The following LRIG1 variants were observed in gnomAD, a reference collection of about 807,000 sequenced individuals.
LRIG1 encodes leucine-rich repeats and immunoglobulin-like domains protein 1.
LRIG1 carries 48 observed loss-of-function variants against 99.2 expected under a neutral mutation model. That is an observed-to-expected ratio of 0.48 (90% CI 0.38 to 0.62). LRIG1 has a LOEUF of 0.62. Ranked by LOEUF, LRIG1 falls within the 20% of genes least tolerant of loss-of-function variation. The probability of loss-of-function intolerance (pLI) is 0.00; values close to 1 mark genes in which losing one functional copy is unlikely to be tolerated. For synonymous variants in LRIG1, 772 were observed against 596.1 expected (o/e 1.29, Z -4.30); for missense variants, 1,646 against 1,434.4 (o/e 1.15, Z -2.38).
At chr3:66,476,046 G>A (rs1575721629) in intron 1 of LRIG1, among the ~76,000 whole-genome samples, 1 of 152,292 alleles carries the variant, frequency 6.6e-6, no homozygotes, top group Middle Eastern at 3.4e-3. Context: ...TGCAGCCTGG[G>A]AATAAAGCGT....
Position 66,382,336 on chromosome 3 carries a change from G to A in LRIG1, c.2554C>T (p.Arg852Ter), listed in dbSNP as rs142523690. 1.7e-5 allele frequency: 27 copies of A among 1,614,020 alleles called. No homozygotes were observed. The highest frequency in any genetic ancestry group is 7.7e-5 in the South Asian group (7 of 91,084). The change falls in exon 16 of 19, where the codon CGA becomes TGA. Residue 852 changes from arginine to a stop codon, truncating the protein, a stop_gained. Transcript: ENST00000273261. LOFTEE classifies it high-confidence loss of function. The stretch of plus-strand genomic sequence containing the variant: ...TCGGTCCTGACCACGGTTTCTTGTC[G>A]GTCAGAAAGGGTCCCCTGAGAAGAG... Reference protein sequence around the residue: ...YLSSQGTLSDRQETVVRTEGG... With the variant: ...YLSSQGTLSD
chr3:66,482,816 A>G (rs867837792), intron 1 of LRIG1, among the ~76,000 whole-genome samples: 3 of 152,252 alleles, frequency 2.0e-5, no homozygotes, highest in Non-Finnish European at 2.9e-5. Context: ...AAAACTGCTT[A>G]AAGTCAGGGA....
chr3:66,424,324 C>G (rs999656682), intron 3 of LRIG1, among the ~76,000 whole-genome samples: 2 of 152,094 alleles, frequency 1.3e-5, no homozygotes, highest in African/African-American at 4.8e-5. Flanking sequence ...CAGAGGTAGC[C>G]TGCTGGTCTA....
intron 2 of LRIG1, among the ~76,000 whole-genome samples, chr3:66,456,477 G>A (rs1458959279): frequency 4.0e-5 from 6 of 151,822 alleles, no homozygotes; most frequent in African/African-American, 9.7e-5. Context: ...GGAGGCTGAG[G>A]TGCGAGGATC....
intron 3 of LRIG1, among the ~76,000 whole-genome samples, chr3:66,434,295 G>A (rs780303742): frequency 5.3e-5 from 8 of 152,076 alleles, no homozygotes; most frequent in African/African-American, 1.9e-4. Flanking sequence ...ATTAGAAAAT[G>A]GGCAAAAGGC....
At chr3:66,465,541 T>A (rs1045085646) in intron 1 of LRIG1, among the ~76,000 whole-genome samples, 5 of 151,750 alleles carry the variant, frequency 3.3e-5, no homozygotes, top group African/African-American at 1.2e-4. Flanking sequence ...TTTTTTTGTA[T>A]TTTTAGTAGA....
chr3:66,464,990 A>G (rs1219952085), intron 1 of LRIG1, among the ~76,000 whole-genome samples: 4 of 152,198 alleles, frequency 2.6e-5, no homozygotes, highest in Non-Finnish European at 5.9e-5. Context: ...AGATGAACAC[A>G]CTTAGAAGTG....
intron 3 of LRIG1, among the ~76,000 whole-genome samples, chr3:66,431,369 T>C (rs1703166229): frequency 1.3e-5 from 2 of 152,176 alleles, no homozygotes; most frequent in Non-Finnish European, 2.9e-5. Context: ...AATGAGGTGA[T>C]GAGAGTGTCC....
At chr3:66,406,836 G>A (rs1702286300) in intron 8 of LRIG1, among the ~76,000 whole-genome samples, 1 of 152,182 alleles carries the variant, frequency 6.6e-6, no homozygotes, top group Non-Finnish European at 1.5e-5. Context: ...TTCCCTAAGT[G>A]CTGCTTTTGG....
At chr3:66,380,984 A>G (rs748467503) in intron 17 of LRIG1, 123 bp from the exon 18 acceptor site, 52 of 937,388 alleles carry the variant, frequency 5.5e-5, no homozygotes, top group Non-Finnish European at 7.5e-5. Flanking sequence ...CACTGTATGC[A>G]TGCTTCCTCT....
Position 66,380,706 on chromosome 3 carries a change from G to C in LRIG1, c.2926C>G (p.Pro976Ala). 1 of 1,614,224 alleles carries C rather than the reference G, an allele frequency of 6.2e-7. No homozygotes were observed. Among genetic ancestry groups the C allele is most frequent in the Non-Finnish European group, 8.5e-7 (1 of 1,180,038 alleles). The change falls in exon 18 of 19, where the codon CCA (proline) becomes GCA (alanine). Residue 976 changes from proline (P) to alanine (A), a missense_variant. Physicochemically the swap from Pro to Ala is conservative, Grantham distance 27 (BLOSUM62 -1). Transcript: ENST00000273261. ...GCAGTCCTGCTGCACTGGTGATGTG[G>C]AGAATGCTCTTGGTCACTCCCACCC... Reference protein sequence around the residue: ...EPGGSDQEHSPHHQCSRTAAG... With the variant: ...EPGGSDQEHSAHHQCSRTAAG...
At chr3:66,421,148 G>C (rs1008081430) in intron 3 of LRIG1, among the ~76,000 whole-genome samples, 7 of 152,160 alleles carry the variant, frequency 4.6e-5, no homozygotes, top group African/African-American at 1.7e-4. Context: ...GTCAATTCAA[G>C]ATGAGATTTG....
chr3:66,472,252 C>T lies in LRIG1; in HGVS notation c.219-9743G>A, dbSNP rs560704040. ...CCGGGAGGCGGAGCGTGCAGTGAGCCGAGATCACACTACTGCACTCCAGCC... is the reference window on the plus strand; with the variant it reads ...CCGGGAGGCGGAGCGTGCAGTGAGCTGAGATCACACTACTGCACTCCAGCC... On this transcript the variant is annotated intron_variant, in intron 1 of 18. Transcript: ENST00000273261. Among the ~76,000 whole-genome samples the T allele has an allele frequency of 3.1e-4, 38 of 123,086 alleles. 1 individual carries two copies. In the South Asian group the frequency reaches 8.4e-3, roughly 27 times the overall value. 80.7% of individuals were successfully genotyped at this position (123,086 alleles called of 152,430 possible).
chr3:66,437,479 G>A (rs1189209983), intron 3 of LRIG1, among the ~76,000 whole-genome samples: 1 of 152,148 alleles, frequency 6.6e-6, no homozygotes, highest in Non-Finnish European at 1.5e-5. Flanking sequence ...AGTAAATCCA[G>A]GCAAGCAAGA....
rs1156477245 is a variant in LRIG1, at chr3:66,407,217, A to G, written c.1079+131T>C. 3 of 932,304 alleles carry G rather than the reference A, an allele frequency of 3.2e-6. No homozygotes were observed. The East Asian group carries it at 7.5e-5, about 23-fold the overall frequency. The allele number at this position is 932,304 out of a possible 1,614,324, so 57.8% of individuals were successfully genotyped here. On this transcript the variant is annotated intron_variant, in intron 8 of 18. Transcript: ENST00000273261. ...CATAAAAGTTTGAGACTCTGCACAT[A>G]GAGCAAGCCAGCTTTGGATCCAATT...
chr3:66,497,504 C>CT (rs2106942145), intron 1 of LRIG1, among the ~76,000 whole-genome samples: 1 of 152,124 alleles, frequency 6.6e-6, no homozygotes, highest in Non-Finnish European at 1.5e-5. Context: ...ACGTAATGGG[C>CT]TGGGAGACTT....
chr3:66,414,356 C>T (rs192351005), intron 5 of LRIG1, among the ~76,000 whole-genome samples: 5 of 151,884 alleles, frequency 3.3e-5, no homozygotes, highest in South Asian at 2.1e-4. Flanking sequence ...GAGATCACAC[C>T]ACTGCACCCC....
chr3:66,437,533 C>A (rs1430835368), intron 3 of LRIG1, among the ~76,000 whole-genome samples: 1 of 152,166 alleles, frequency 6.6e-6, no homozygotes, highest in African/African-American at 2.4e-5. Flanking sequence ...CACCCCTCAG[C>A]AGGCCACTTC....
rs750535370 is a variant in LRIG1 at position 66,380,367 on chromosome 3, C to G, written c.3178G>C (p.Gly1060Arg). Residue 1060 changes from glycine to arginine, a missense_variant, in exon 19 of 19, where the codon GGC (glycine) becomes CGC (arginine). Coordinates refer to ENST00000273261, the MANE Select transcript of LRIG1 (RefSeq NM_015541.3). ...GCGTCACATGCTTTGGGGAGGTGGC[C>G]ATTGGAAACAAGCAAGTACTGGGCT... ...AEAQYLLVSNGHLPKACDASP... is the reference protein window; with the variant it reads ...AEAQYLLVSNRHLPKACDASP... 1.9e-5 allele frequency: 30 copies of G among 1,614,162 alleles called. No individual in the cohort carries two copies. The South Asian group carries it at 3.1e-4, about 17-fold the overall frequency.
Sources: gnomAD v4.1 joint callset for allele counts (sites outside exome capture counted in the v4.1 genomes callset) on GRCh38, gnomAD v4.1.1 for gene constraint, MANE v1.5 for transcripts, NCBI Gene and HGNC (gene_info 2026-07-23, HGNC 2026-07-21) for gene names.